Variants in SUMF1 observed in about 807,000 individuals in gnomAD.
SUMF1 encodes formylglycine-generating enzyme.
A neutral mutation model predicts 47.6 loss-of-function variants in SUMF1; 48 were observed. The ratio of observed to expected loss-of-function variants is 1.01; its 90% CI spans 0.80 to 1.28. The LOEUF is 1.28. Ranked by LOEUF, SUMF1 falls within the 50% of genes most tolerant of loss-of-function variation. The pLI, the probability that SUMF1 is intolerant of heterozygous loss-of-function variation, is 0.00. For synonymous variants in SUMF1, 230 were observed against 192.1 expected, an observed-to-expected ratio of 1.20 and a Z score of -1.63; for missense variants, 571 against 485.4, an observed-to-expected ratio of 1.18 and a Z score of -1.66.
intron 8 of SUMF1, among the ~76,000 whole-genome samples, chr3:4,073,497 A>T (rs145137919): frequency 6.6e-6 from 1 of 152,242 alleles, no homozygotes; most frequent in African/African-American, 2.4e-5. Context: ...ACTAACCTTA[A>T]ATGTAAATGG....
At chr3:4,406,448 G>A (rs1701379166) in intron 7 of SUMF1, among the ~76,000 whole-genome samples, 1 of 152,044 alleles carries the variant, frequency 6.6e-6, no homozygotes, top group Non-Finnish European at 1.5e-5. Context: ...CAGAGGTCAG[G>A]AGTTCAAGAC....
intron 8 of SUMF1, among the ~76,000 whole-genome samples, chr3:4,302,047 T>A (rs538820834): frequency 4.6e-5 from 7 of 152,282 alleles, no homozygotes; most frequent in African/African-American, 1.7e-4. Context: ...GTCTGCAAGA[T>A]GGAAACACAT....
intron 8 of SUMF1, among the ~76,000 whole-genome samples, chr3:4,218,913 T>A (rs555703341): frequency 6.6e-6 from 1 of 152,172 alleles, no homozygotes; most frequent in Non-Finnish European, 1.5e-5. Context: ...TTTCTCACTA[T>A]TAAACGCAGC....
intron 8 of SUMF1, chr3:4,313,759 G>A (rs1442746138): frequency 5.0e-6 from 8 of 1,613,906 alleles, no homozygotes; most frequent in Non-Finnish European, 6.8e-6. Flanking sequence ...ATTGACCCTT[G>A]AGGTGAGTCT....
intron 8 of SUMF1, among the ~76,000 whole-genome samples, chr3:4,245,036 T>C (rs1381450762): frequency 6.6e-6 from 1 of 152,102 alleles, no homozygotes; most frequent in Non-Finnish European, 1.5e-5. Context: ...TGTTGGCTAC[T>C]GAAGCTTGTG....
At chr3:4,254,851 G>A (rs939432657) in intron 8 of SUMF1, among the ~76,000 whole-genome samples, 5 of 151,916 alleles carry the variant, frequency 3.3e-5, no homozygotes, top group African/African-American at 1.2e-4. Context: ...AAAATATTAA[G>A]GGCAGCCAGA....
intron 8 of SUMF1, among the ~76,000 whole-genome samples, chr3:4,165,325 C>T (rs902863696): frequency 7.9e-5 from 12 of 152,120 alleles, no homozygotes; most frequent in Non-Finnish European, 1.6e-4. Context: ...GGGACATATA[C>T]CCGGGTTGGG....
Position 4,165,873 on chromosome 3 carries a change from C to G in SUMF1, c.1015-97128G>C, listed in dbSNP as rs796805823. 2.4e-3 allele frequency among the ~76,000 whole-genome samples: 338 copies of G among 140,104 alleles called. 4 individuals are homozygous for G. Among genetic ancestry groups the G allele is most frequent in the Middle Eastern group, 3.5e-3 (1 of 282 alleles). The allele number at this position is 140,104 out of a possible 152,430, so 91.9% of individuals were successfully genotyped here. A position where few individuals can be genotyped will look rare whatever the true frequency, so the allele number is the denominator to read the frequency against. ...TTGATTTGTTTGTTTCCCCCCCCCC[C>G]CCGAGCAAGAACCTGCAATGGTCCC... On this transcript the variant is annotated intron_variant and NMD_transcript_variant, in intron 8 of 12. Coordinates refer to the SUMF1 transcript ENST00000448413.
In SUMF1 at chr3:4,109,488, G is replaced by A. The variant is rs180696081; in HGVS notation, c.1015-40743C>T. 4.9e-4 allele frequency among the ~76,000 whole-genome samples: 75 copies of A among 152,226 alleles called. 2 individuals carry two copies. The East Asian group carries it at 0.013, about 27-fold the overall frequency. On this transcript the variant is annotated intron_variant and NMD_transcript_variant, in intron 8 of 12. Transcript: ENST00000448413. ...TGTTGGTCTGCCTTGCTAGATTGGGGAAGTTCTCCTGGATAATAACCTGCA... is the reference window on the plus strand; with the variant it reads ...TGTTGGTCTGCCTTGCTAGATTGGGAAAGTTCTCCTGGATAATAACCTGCA...
At chr3:4,317,456 G>A in intron 8 of SUMF1, 1 of 496,744 alleles carries the variant, frequency 2.0e-6, no homozygotes, top group Admixed American at 3.3e-5. Context: ...GCCCAGGCGG[G>A]CAGATCACTT....
rs148184424 is a variant in SUMF1, at chr3:4,079,962, G to C, written c.1015-11217C>G. Reference sequence around the variant, plus strand: ...TTGCCCTGGCTCTGCCTCTCCCTGCGTGCAACCTCAGGCAAAGCACTGCTC... The same window carrying C: ...TTGCCCTGGCTCTGCCTCTCCCTGCCTGCAACCTCAGGCAAAGCACTGCTC... On this transcript the variant is annotated intron_variant and NMD_transcript_variant, in intron 8 of 12. Transcript: ENST00000448413. Among the ~76,000 whole-genome samples the C allele has an allele frequency of 3.3e-4, 50 of 151,760 alleles. 1 individual carries two copies. The highest frequency in any genetic ancestry group is 1.1e-3 in the African/African-American group (47 of 41,316).
intron 8 of SUMF1, among the ~76,000 whole-genome samples, chr3:4,291,682 G>C (rs899763437): frequency 6.6e-6 from 1 of 152,014 alleles, no homozygotes; most frequent in South Asian, 2.1e-4. Context: ...TAGACCTTTG[G>C]GGAAAGACGA....
chr3:4,176,234 C>T (rs1277959235), intron 8 of SUMF1, among the ~76,000 whole-genome samples: 1 of 152,086 alleles, frequency 6.6e-6, no homozygotes, highest in Admixed American at 6.6e-5. Context: ...GACACATAAT[C>T]ATCAGATTCA....
Position 4,362,320 on chromosome 3 carries a change from G to C in SUMF1, c.1015-66C>G, listed in dbSNP as rs561395290. The C allele has an allele frequency of 2.3e-5, 30 of 1,308,640 alleles. No individual in the cohort carries two copies. The African/African-American group carries it at 4.1e-4, about 18-fold the overall frequency. 81.1% of individuals were successfully genotyped at this position (1,308,640 alleles called of 1,614,324 possible). ...CTCAGCTGAAGGCTCTAACCCATCA[G>C]ATGCATATTGCACCGGCTGTAGACA... On this transcript the variant is annotated intron_variant, in intron 8 of 8. Coordinates refer to ENST00000272902, the MANE Select transcript of SUMF1 (RefSeq NM_182760.4).
chr3:4,231,248 T>C (rs541816581), intron 8 of SUMF1, among the ~76,000 whole-genome samples: 1 of 152,258 alleles, frequency 6.6e-6, no homozygotes, highest in South Asian at 2.1e-4. Flanking sequence ...CAACCAACTA[T>C]GTAATCTTAG....
chr3:4,332,239 G>C (rs1222410480), intron 8 of SUMF1, among the ~76,000 whole-genome samples: 1 of 152,138 alleles, frequency 6.6e-6, no homozygotes, highest in Non-Finnish European at 1.5e-5. Context: ...ATATTTATAA[G>C]ATTCTTCATT....
At chr3:4,380,811 G>T (rs1700480051) in intron 7 of SUMF1, among the ~76,000 whole-genome samples, 1 of 152,030 alleles carries the variant, frequency 6.6e-6, no homozygotes, top group South Asian at 2.1e-4. Flanking sequence ...AAAGGCCAAG[G>T]TACAGCTAAA....
At chr3:4,140,450 A>G (rs1418248405) in intron 8 of SUMF1, among the ~76,000 whole-genome samples, 1 of 151,932 alleles carries the variant, frequency 6.6e-6, no homozygotes, top group Admixed American at 6.6e-5. Context: ...CTATTTGTCT[A>G]TTTCAGTTTT....
chr3:4,253,581 C>A (rs1165357554), intron 8 of SUMF1, among the ~76,000 whole-genome samples: 1 of 151,902 alleles, frequency 6.6e-6, no homozygotes, highest in East Asian at 1.9e-4. Context: ...CACCATGAGA[C>A]TATATCCCAC....
Sources: gnomAD v4.1 joint callset for allele counts (sites outside exome capture counted in the v4.1 genomes callset) on GRCh38, gnomAD v4.1.1 for gene constraint, MANE v1.5 for transcripts, NCBI Gene and HGNC (gene_info 2026-07-23, HGNC 2026-07-21) for gene names.